Variants in CCDC141 observed in about 807,000 individuals in gnomAD.
The protein encoded by CCDC141 is coiled-coil domain-containing protein 141.
Under a neutral mutation model 181.0 loss-of-function variants are expected in CCDC141, and 168 were observed. The ratio of observed to expected loss-of-function variants is 0.93; its 90% CI spans 0.82 to 1.05. The LOEUF is 1.05. Ranked by LOEUF, CCDC141 falls within the 50% of genes least tolerant of loss-of-function variation. The probability of loss-of-function intolerance (pLI) is 0.00; values close to 1 mark genes in which losing one functional copy is unlikely to be tolerated. For synonymous variants in CCDC141, 666 were observed against 642.3 expected, an observed-to-expected ratio of 1.04 and a Z score of -0.56; for missense variants, 1,902 against 1,788.5, an observed-to-expected ratio of 1.06 and a Z score of -1.14.
chr2:178,857,911 C>G (rs1426788278), intron 17 of CCDC141, among the ~76,000 whole-genome samples: 1 of 152,138 alleles, frequency 6.6e-6, no homozygotes, highest in African/African-American at 2.4e-5. Context: ...ATGCTTATTT[C>G]AAATTCTGCA....
chr2:178,941,898 T>G (rs575595732), intron 6 of CCDC141, among the ~76,000 whole-genome samples: 76 of 136,764 alleles, frequency 5.6e-4, no homozygotes, highest in African/African-American at 2.0e-3. Flanking sequence ...ATTTCGAGGC[T>G]GCGGTGAGTA....
chr2:178,922,108 C>T (rs1247774436), intron 6 of CCDC141, among the ~76,000 whole-genome samples: 2 of 152,172 alleles, frequency 1.3e-5, no homozygotes, highest in African/African-American at 4.8e-5. Flanking sequence ...CCATTGCGTG[C>T]TCAGTCTAAC....
chr2:179,022,254 C>T (rs528803358), intron 2 of CCDC141, among the ~76,000 whole-genome samples: 6 of 152,058 alleles, frequency 3.9e-5, no homozygotes, highest in Non-Finnish European at 8.8e-5. Flanking sequence ...TCAAGAATAC[C>T]ATTGTGTGTT....
At chr2:178,942,194 C>A (rs1006996986) in intron 6 of CCDC141, among the ~76,000 whole-genome samples, 1 of 152,056 alleles carries the variant, frequency 6.6e-6, no homozygotes. Flanking sequence ...AGGCTCAAAC[C>A]ATCCTCCCAC....
At chr2:178,850,530 C>A (rs919252476) in intron 20 of CCDC141, among the ~76,000 whole-genome samples, 1 of 152,118 alleles carries the variant, frequency 6.6e-6, no homozygotes, top group South Asian at 2.1e-4. Flanking sequence ...TGGCTTCAAT[C>A]TGCCTCTCCC....
intron 2 of CCDC141, among the ~76,000 whole-genome samples, chr2:179,036,495 G>A (rs2043148702): frequency 6.6e-6 from 1 of 152,158 alleles, no homozygotes; most frequent in Admixed American, 6.6e-5. Flanking sequence ...AAGCCCCTTG[G>A]ACCACTGCAC....
intron 2 of CCDC141, among the ~76,000 whole-genome samples, chr2:178,994,241 C>A (rs1465629966): frequency 6.6e-6 from 1 of 152,186 alleles, no homozygotes; most frequent in Non-Finnish European, 1.5e-5. Context: ...GCCCCTGCGG[C>A]AAATTTCTGC....
At chr2:178,817,539 G>T in the CCDC141 span, 1 of 470,994 alleles carries the variant, frequency 2.1e-6, no homozygotes, top group Admixed American at 2.3e-5. Flanking sequence ...AGTATCTCCA[G>T]GTACCACTTA....
At chr2:178,823,149 A>C in the CCDC141 span, among the ~76,000 whole-genome samples, 1 of 148,484 alleles carries the variant, frequency 6.7e-6, no homozygotes, top group East Asian at 2.0e-4. Flanking sequence ...GGTGTACGTT[A>C]ATGGTGGTTA....
chr2:179,026,694 G>A (rs1477847867), intron 2 of CCDC141, among the ~76,000 whole-genome samples: 3 of 152,194 alleles, frequency 2.0e-5, no homozygotes, highest in African/African-American at 4.8e-5. Flanking sequence ...AGCTTGCACT[G>A]CGCACCTGGA....
At chr2:178,913,877 A>T (rs1688326472) in intron 7 of CCDC141, among the ~76,000 whole-genome samples, 1 of 152,338 alleles carries the variant, frequency 6.6e-6, no homozygotes, top group South Asian at 2.1e-4. Context: ...AATGGAAGGC[A>T]TAGGACACGA....
intron 2 of CCDC141, among the ~76,000 whole-genome samples, chr2:178,999,826 G>A (rs991160476): frequency 6.6e-6 from 1 of 151,986 alleles, no homozygotes; most frequent in African/African-American, 2.4e-5. Context: ...CTATTCAGAA[G>A]TTGTCTCAGC....
intron 6 of CCDC141, among the ~76,000 whole-genome samples, chr2:178,927,281 A>G (rs574991196): frequency 1.4e-3 from 213 of 152,298 alleles, no homozygotes; most frequent in African/African-American, 5.0e-3. Flanking sequence ...CCTACACTGA[A>G]TGTGGAACCA....
intron 4 of CCDC141, among the ~76,000 whole-genome samples, chr2:178,966,444 C>T (rs1160112802): frequency 6.6e-6 from 1 of 152,296 alleles, no homozygotes; most frequent in African/African-American, 2.4e-5. Flanking sequence ...CTTTGCTGTT[C>T]TGCAGCCTCC....
At chr2:178,960,624 A>G (rs141379768) in intron 5 of CCDC141, among the ~76,000 whole-genome samples, 4 of 152,284 alleles carry the variant, frequency 2.6e-5, no homozygotes, top group African/African-American at 9.6e-5. Flanking sequence ...AAATAATTGT[A>G]GCAGAAGGAA....
intron 2 of CCDC141, among the ~76,000 whole-genome samples, chr2:179,040,686 C>T (rs2043273063): frequency 1.3e-5 from 2 of 152,320 alleles, no homozygotes; most frequent in South Asian, 4.1e-4. Flanking sequence ...ACTCCAGTTC[C>T]ATCTATGTCC....
chr2:179,022,207 C>A (rs564196502), intron 2 of CCDC141, among the ~76,000 whole-genome samples: 1 of 152,182 alleles, frequency 6.6e-6, no homozygotes, highest in African/African-American at 2.4e-5. Context: ...AGTTCTGTGG[C>A]CTTTCAAGTG....
chr2:178,946,160 C>G (rs1452815998), intron 5 of CCDC141, among the ~76,000 whole-genome samples: 1 of 152,092 alleles, frequency 6.6e-6, no homozygotes, highest in Non-Finnish European at 1.5e-5. Flanking sequence ...ATCTGGTAAT[C>G]TATGCACAAA....
At chr2:178,985,903 T>A (rs1249828953) in intron 2 of CCDC141, among the ~76,000 whole-genome samples, 2 of 152,192 alleles carry the variant, frequency 1.3e-5, no homozygotes, top group African/African-American at 4.8e-5. Flanking sequence ...GAGGAACTGG[T>A]ACCATTCCTT....
Sources: gnomAD v4.1 joint callset for allele counts (sites outside exome capture counted in the v4.1 genomes callset) on GRCh38, gnomAD v4.1.1 for gene constraint, MANE v1.5 for transcripts, NCBI Gene and HGNC (gene_info 2026-07-23, HGNC 2026-07-21) for gene names.